KNTC1: variants seen among roughly 807,000 people sequenced by gnomAD.
The protein encoded by KNTC1 is kinetochore-associated protein 1.
A neutral mutation model predicts 314.4 loss-of-function variants in KNTC1; 253 were observed. That is an observed-to-expected ratio of 0.80 (90% confidence interval 0.73 to 0.89). The LOEUF is 0.89. KNTC1 is among the 40% of genes least tolerant of loss of function. KNTC1 has a pLI of 0.00. For synonymous variants in KNTC1, 901 were observed against 901.4 expected (o/e 1.00, Z 0.01); for missense variants, 2,475 against 2,572.9 (o/e 0.96, Z 0.82).
rs2138009469 is a variant in KNTC1, at chr12:122,585,699, G to A, written c.3598G>A (p.Asp1200Asn). 6.2e-7 allele frequency: 1 copy of A among 1,613,706 alleles called. No individual in the cohort carries two copies. The highest frequency in any genetic ancestry group is 8.5e-7 in the Non-Finnish European group (1 of 1,179,596). The part of the protein sequence containing the change: ...EWSYSDFFSE[D>N]GIVLESQMVL... ...GTCTTACAGTGACTTCTTCAGTGAA[G>A]ATGGAATTGTTCTTGAGTCACAGAT... Residue 1200 changes from aspartate (D) to asparagine (N), a missense_variant, in exon 37 of 64, where the codon GAT (aspartate) becomes AAT (asparagine). Physicochemically the swap from Asp to Asn is conservative, Grantham distance 23. Transcript: ENST00000333479.
intron 27 of KNTC1, 148 bp from the exon 28 acceptor site, chr12:122,575,395 A>T: frequency 1.6e-6 from 1 of 622,860 alleles, no homozygotes; most frequent in Non-Finnish European, 2.9e-6. Flanking sequence ...GTGAAAACTG[A>T]AGAAATAAAT....
In KNTC1 at chr12:122,624,640, C is replaced by A; in HGVS notation, c.6558C>A (p.His2186Gln). The A allele has an allele frequency of 6.2e-7, 1 of 1,613,630 alleles. No individual in the cohort carries two copies. The highest frequency in any genetic ancestry group is 1.1e-5 in the South Asian group (1 of 91,086). Residue 2186 changes from histidine (H) to glutamine (Q), a missense_variant, in exon 63 of 64, where the codon CAC becomes CAA. Physicochemically the swap from His to Gln is conservative, Grantham distance 24 (BLOSUM62 0). Transcript: ENST00000333479. ...ASVLITEYSK[H>Q]CGKPVPPDTA... is the part of the protein sequence containing the mutation. ...TCTTGATAACTGAATATTCAAAGCA[C>A]TGCGGGAAACCTGTGCCTCCAGACA...
chr12:122,545,084 T>C (rs951989737), intron 8 of KNTC1, among the ~76,000 whole-genome samples: 2 of 152,232 alleles, frequency 1.3e-5, no homozygotes, highest in African/African-American at 2.4e-5. Context: ...TCATGTTACA[T>C]GTAAAAAGTA....
intron 59 of KNTC1, among the ~76,000 whole-genome samples, chr12:122,619,328 C>T (rs764848211): frequency 1.3e-5 from 2 of 151,420 alleles, no homozygotes; most frequent in South Asian, 2.1e-4. Context: ...TGCACCACCA[C>T]GCCTGGCTAA....
At chr12:122,549,707 T>C in intron 12 of KNTC1, 59 bp from the exon 13 acceptor site, 1 of 859,208 alleles carries the variant, frequency 1.2e-6, no homozygotes, top group South Asian at 1.4e-5. Flanking sequence ...TGAAGTGCTG[T>C]TTTGTACTTG....
chr12:122,583,433 A>G (rs1288729320), intron 34 of KNTC1, among the ~76,000 whole-genome samples: 1 of 152,236 alleles, frequency 6.6e-6, no homozygotes, highest in Non-Finnish European at 1.5e-5. Context: ...AAGTAGTAGC[A>G]TAAAAGGCAA....
chr12:122,605,448 T>G, intron 51 of KNTC1, 33 bp downstream of exon 51: 1 of 1,101,034 alleles, frequency 9.1e-7, no homozygotes, highest in Middle Eastern at 2.0e-4. Flanking sequence ...TATCTGTAGT[T>G]GAGTATGCAC....
At chr12:122,538,191 T>G in intron 3 of KNTC1, 148 bp from the exon 4 acceptor site, 1 of 586,286 alleles carries the variant, frequency 1.7e-6, no homozygotes, top group Non-Finnish European at 3.0e-6. Context: ...TCAACAACAT[T>G]CTTTTTTACT....
intron 16 of KNTC1, among the ~76,000 whole-genome samples, chr12:122,556,169 A>G (rs1249470660): frequency 6.6e-6 from 1 of 151,880 alleles, no homozygotes; most frequent in Non-Finnish European, 1.5e-5. Flanking sequence ...GACGCGCACC[A>G]CCACGCCTGG....
At chr12:122,587,277 A>T (rs1869493330) in intron 38 of KNTC1, among the ~76,000 whole-genome samples, 1 of 152,168 alleles carries the variant, frequency 6.6e-6, no homozygotes, top group South Asian at 2.1e-4. Flanking sequence ...CCCTATCTCT[A>T]AAAAAACAAA....
intron 16 of KNTC1, among the ~76,000 whole-genome samples, chr12:122,554,076 A>AAAAATATATATATATATATAT (rs370146333): frequency 3.2e-4 from 35 of 109,028 alleles, no homozygotes; most frequent in African/African-American, 1.3e-3. Flanking sequence ...AAAAAAAAAA[A>AAAAATATATATATATATATAT]ATATATATAT....
chr12:122,579,076 T>G (rs1593594466), intron 31 of KNTC1, among the ~76,000 whole-genome samples: 3 of 59,412 alleles, frequency 5.0e-5, no homozygotes, highest in South Asian at 6.9e-4. Flanking sequence ...TTTTTTTTTT[T>G]TTTTTTGAGA....
Position 122,585,003 on chromosome 12 carries a change from T to A in KNTC1, c.3534+13T>A, listed in dbSNP as rs1173160477. 2 of 1,520,978 alleles carry A rather than the reference T, an allele frequency of 1.3e-6. No individual in the cohort carries two copies. The highest frequency in any genetic ancestry group is 2.8e-5 in the African/African-American group (2 of 72,656). The allele number at this position is 1,520,978 out of a possible 1,614,324, so 94.2% of individuals were successfully genotyped here. On this transcript the variant is annotated intron_variant, in intron 36 of 63. Coordinates refer to ENST00000333479, the MANE Select transcript of KNTC1 (RefSeq NM_014708.6). The stretch of plus-strand genomic sequence containing the variant: ...AATCCTCATGAAAGTAAGTTACTTT[T>A]GAGTTTTTTCCCTTAAATCCTGGGC...
rs1193237410 is a variant in KNTC1 at position 122,534,720 on chromosome 12, A to G, written c.186A>G (p.Val62=). ...ACSLSDGFII[V]ADQSVILLDS... Reference sequence around the variant, plus strand: ...GCTTAAGTGATGGGTTTATTATTGTAGCCGACCAATCAGTGATATTGCTTG... The same window carrying G: ...GCTTAAGTGATGGGTTTATTATTGTGGCCGACCAATCAGTGATATTGCTTG... The change falls in exon 3 of 64, where the codon GTA becomes GTG. Residue 62 remains valine, a synonymous_variant. Coordinates refer to ENST00000333479, the MANE Select transcript of KNTC1 (RefSeq NM_014708.6). The G allele has an allele frequency of 6.2e-7, 1 of 1,611,366 alleles. No homozygotes were observed. Among genetic ancestry groups the G allele is most frequent in the Non-Finnish European group, 8.5e-7 (1 of 1,178,092 alleles).
chr12:122,561,476 C>T (rs956249832), intron 18 of KNTC1, among the ~76,000 whole-genome samples: 5 of 150,590 alleles, frequency 3.3e-5, no homozygotes, highest in Admixed American at 1.3e-4. Flanking sequence ...TTTTTTGAAA[C>T]GGAGTCTCAT....
intron 22 of KNTC1, among the ~76,000 whole-genome samples, 162 bp downstream of exon 22, chr12:122,569,986 G>A (rs1009476320): frequency 2.6e-5 from 4 of 152,226 alleles, no homozygotes; most frequent in Non-Finnish European, 5.9e-5. Context: ...TTCAGAAGGA[G>A]ATGTTATCAT....
Position 122,572,957 on chromosome 12 carries a change from G to C in KNTC1, c.2040G>C (p.Glu680Asp). The change falls in exon 25 of 64, where the codon GAG becomes GAC. Residue 680 changes from glutamate to aspartate, a missense_variant. Transcript: ENST00000333479. ...WISLKDYQNT[E>D]EVCQLRTLVN... ...TTTAGAAAGATTATCAGAACACAGAGGAAGTATGTCAGCTAAGGACTTTGG... is the reference window on the plus strand; with the variant it reads ...TTTAGAAAGATTATCAGAACACAGACGAAGTATGTCAGCTAAGGACTTTGG... 6.3e-7 allele frequency: 1 copy of C among 1,592,462 alleles called. No individual in the cohort carries two copies. Among genetic ancestry groups the C allele is most frequent in the Non-Finnish European group, 8.6e-7 (1 of 1,165,222 alleles).
chr12:122,568,140 T>G, intron 20 of KNTC1, 121 bp from the exon 21 acceptor site: 1 of 611,180 alleles, frequency 1.6e-6, no homozygotes. Flanking sequence ...TTTTTTTAGT[T>G]TTTTGTTTTT....
intron 16 of KNTC1, among the ~76,000 whole-genome samples, chr12:122,553,515 G>T (rs1037846402): frequency 6.6e-6 from 1 of 151,962 alleles, no homozygotes; most frequent in Non-Finnish European, 1.5e-5. Context: ...GGGCATCATA[G>T]TGAGCCTCTC....
Sources: allele counts gnomAD v4.1 joint callset (sites outside exome capture counted in the v4.1 genomes callset), GRCh38; gene constraint gnomAD v4.1.1; transcripts MANE v1.5; gene names NCBI Gene and HGNC (gene_info 2026-07-23, HGNC 2026-07-21).